Variants in ZNF680 observed in about 807,000 individuals in gnomAD.
ZNF680 encodes the protein zinc finger protein 680.
In ZNF680, 6 loss-of-function variants were observed where a neutral mutation model predicts 12.1. The ratio of observed to expected loss-of-function variants is 0.49; its 90% CI spans 0.27 to 0.98. The LOEUF is 0.98. Among genes scored for constraint, ZNF680 ranks in the 50% least tolerant of loss-of-function variants. The pLI is 0.12. For synonymous variants in ZNF680, 170 were observed against 199.3 expected, an observed-to-expected ratio of 0.85 and a Z score of 1.24; for missense variants, 561 against 616.3, an observed-to-expected ratio of 0.91 and a Z score of 0.95.
chr7:64,553,850 G>C (rs1225754604), intron 1 of ZNF680, among the ~76,000 whole-genome samples: 1 of 152,314 alleles, frequency 6.6e-6, no homozygotes, highest in Middle Eastern at 3.4e-3. Flanking sequence ...GCCTCCCGAG[G>C]TGCCGGGATT....
rs1332717161 is a variant in ZNF680, at chr7:64,544,437, A to C, written c.31-5T>G. 2.6e-6 allele frequency: 4 copies of C among 1,555,862 alleles called. No individual in the cohort carries two copies. The highest frequency in any genetic ancestry group is 1.8e-5 in the African/African-American group (1 of 56,348). On this transcript the variant is annotated splice_region_variant and splice_polypyrimidine_tract_variant and intron_variant, in intron 1 of 3. Transcript: ENST00000309683. ...ATCCCTAAATGTCAGTGGTCCCTGA[A>C]AAACACACACACACACACACACACA... is the stretch of plus-strand genomic sequence containing the variant.
chr7:64,504,317 G>A, the ZNF680 span, among the ~76,000 whole-genome samples: 1 of 152,226 alleles, frequency 6.6e-6, no homozygotes, highest in Non-Finnish European at 1.5e-5. Flanking sequence ...CGATGATGAT[G>A]AAGAGCACTT....
the ZNF680 span, among the ~76,000 whole-genome samples, chr7:64,510,223 CGTA>C: frequency 7.9e-4 from 50 of 63,190 alleles, no homozygotes; most frequent in South Asian, 2.2e-3. Flanking sequence ...CCCATAAATA[CGTA>C]ATAAAAAAAA....
chr7:64,507,437 AAC>A, the ZNF680 span, among the ~76,000 whole-genome samples: 1 of 152,250 alleles, frequency 6.6e-6, no homozygotes, highest in Admixed American at 6.5e-5. Context: ...ATTTCAAAAT[AAC>A]AGAGTAAATT....
chr7:64,526,097 TATAAAATTCCAA>T (rs1791828659), intron 3 of ZNF680: 9 of 942,310 alleles, frequency 9.6e-6, no homozygotes, highest in Non-Finnish European at 1.1e-5. Flanking sequence ...AAAACAAAAA[TATAAAATTCCAA>T]AAGAAAATTA....
At chr7:64,554,542 C>A (rs888339714) in intron 1 of ZNF680, among the ~76,000 whole-genome samples, 4 of 152,018 alleles carry the variant, frequency 2.6e-5, no homozygotes, top group African/African-American at 9.7e-5. Context: ...CGGTTTTTGT[C>A]GAATAGAAAA....
chr7:64,558,305 T>C (rs1276848226), intron 1 of ZNF680, among the ~76,000 whole-genome samples: 2 of 152,122 alleles, frequency 1.3e-5, no homozygotes, highest in African/African-American at 2.4e-5. Context: ...AAATTCCTGA[T>C]GGTGGTGCCT....
At chr7:64,534,223 C>CA (rs2116440202) in intron 3 of ZNF680, among the ~76,000 whole-genome samples, 1 of 152,224 alleles carries the variant, frequency 6.6e-6, no homozygotes, top group South Asian at 2.1e-4. Context: ...GCAGAGTAAA[C>CA]AGACAACCCA....
intron 3 of ZNF680, among the ~76,000 whole-genome samples, chr7:64,528,801 T>C (rs1785703904): frequency 6.6e-6 from 1 of 152,170 alleles, no homozygotes; most frequent in South Asian, 2.1e-4. Flanking sequence ...ACCCACTGGG[T>C]TCCTCTCCAC....
At chr7:64,540,836 CTA>C (rs986866537) in intron 3 of ZNF680, among the ~76,000 whole-genome samples, 65 of 152,200 alleles carry the variant, frequency 4.3e-4, no homozygotes, top group Admixed American at 3.6e-3. Context: ...CAATATTTGA[CTA>C]TGTGTACTCA....
At chr7:64,500,489 A>C in the ZNF680 span, among the ~76,000 whole-genome samples, 99 of 152,358 alleles carry the variant, frequency 6.5e-4, no homozygotes, top group Admixed American at 6.3e-3. Flanking sequence ...GTTATTTGCA[A>C]CAACATTGAT....
intron 1 of ZNF680, among the ~76,000 whole-genome samples, chr7:64,551,013 A>G (rs1306318598): frequency 1.3e-5 from 2 of 152,238 alleles, no homozygotes; most frequent in Non-Finnish European, 2.9e-5. Flanking sequence ...TTTGACATGC[A>G]TCAAGGTCAA....
intron 3 of ZNF680, among the ~76,000 whole-genome samples, chr7:64,528,660 C>T (rs1785695129): frequency 1.3e-5 from 2 of 152,138 alleles, no homozygotes; most frequent in South Asian, 4.1e-4. Context: ...TCAAAAGCAG[C>T]CAAAGCAGTA....
intron 1 of ZNF680, among the ~76,000 whole-genome samples, chr7:64,562,592 G>C (rs564594898): frequency 6.6e-6 from 1 of 152,330 alleles, no homozygotes; most frequent in East Asian, 1.9e-4. Context: ...AGGAGGGACT[G>C]GGACCCCATG....
intron 1 of ZNF680, among the ~76,000 whole-genome samples, chr7:64,544,872 A>G (rs1036536268): frequency 5.9e-5 from 9 of 152,210 alleles, no homozygotes; most frequent in Non-Finnish European, 1.3e-4. Flanking sequence ...AATCTGGAAT[A>G]AAGTTTGAAT....
At chr7:64,528,218 C>G (rs1235068771) in intron 3 of ZNF680, among the ~76,000 whole-genome samples, 2 of 152,066 alleles carry the variant, frequency 1.3e-5, no homozygotes, top group African/African-American at 4.8e-5. Flanking sequence ...GGAGGGCAGC[C>G]ACAGGCACGA....
At chr7:64,534,972 T>A (rs1786080606) in intron 3 of ZNF680, among the ~76,000 whole-genome samples, 1 of 115,462 alleles carries the variant, frequency 8.7e-6, no homozygotes, top group African/African-American at 3.4e-5. Flanking sequence ...TGCAAAGGCA[T>A]AAGAACGATA....
intron 3 of ZNF680, chr7:64,525,630 A>G (rs560140836): frequency 2.4e-6 from 1 of 411,834 alleles, no homozygotes; most frequent in African/African-American, 2.2e-5. Flanking sequence ...CAATGTCAAT[A>G]TAATAGGACT....
At chr7:64,514,375 AACC>A in the ZNF680 span, among the ~76,000 whole-genome samples, 1 of 149,200 alleles carries the variant, frequency 6.7e-6, no homozygotes, top group South Asian at 2.2e-4. Context: ...CCACAAAAAT[AACC>A]ACATTTCTTT....
Sources: gnomAD v4.1 joint callset for allele counts (sites outside exome capture counted in the v4.1 genomes callset) on GRCh38, gnomAD v4.1.1 for gene constraint, MANE v1.5 for transcripts, NCBI Gene and HGNC (gene_info 2026-07-23, HGNC 2026-07-21) for gene names.